The following FAAH2 variants were observed in gnomAD, a reference collection of about 807,000 sequenced individuals.
FAAH2 encodes fatty acid amide hydrolase 2.
FAAH2 carries 60 observed loss-of-function variants against 36.9 expected under a neutral mutation model. The ratio of observed to expected loss-of-function variants is 1.63; its 90% CI spans 1.32 to 2.02. The LOEUF (loss-of-function observed/expected upper bound fraction) is 2.02, where lower values mean the gene tolerates loss of function less well. Among genes scored for constraint, FAAH2 ranks in the 30% most tolerant of loss-of-function variants. The probability of loss-of-function intolerance (pLI) is 0.00; values close to 1 mark genes in which losing one functional copy is unlikely to be tolerated. For synonymous variants in FAAH2, 214 were observed against 143.8 expected (o/e 1.49, Z -3.49); for missense variants, 689 against 397.5 (o/e 1.73, Z -6.23).
the FAAH2 span, among the ~76,000 whole-genome samples, chrX:57,172,703 C>T: frequency 0.03 from 3,392 of 111,576 alleles, 110 homozygotes; most frequent in African/African-American, 0.11. Flanking sequence ...ATGGTTTTCT[C>T]CTAGAGTCAG....
the FAAH2 span, among the ~76,000 whole-genome samples, chrX:57,175,335 C>A: frequency 9.0e-6 from 1 of 111,501 alleles, no homozygotes; most frequent in Non-Finnish European, 1.9e-5. Flanking sequence ...CCTTCTTTGT[C>A]TTTTACTATT....
chrX:57,391,504 G>A (rs1441772123), intron 7 of FAAH2, among the ~76,000 whole-genome samples: 3 of 110,075 alleles, frequency 2.7e-5, no homozygotes, highest in Non-Finnish European at 5.7e-5. Context: ...GAGAGAGAGG[G>A]GTCCAGTTTC....
chrX:57,264,648 G>T, the FAAH2 span, among the ~76,000 whole-genome samples: 6 of 112,499 alleles, frequency 5.3e-5, no homozygotes, highest in Admixed American at 1.9e-4. Context: ...CCTAAAAACA[G>T]CAATACCATT....
rs2053404818 is a variant in FAAH2, at chrX:57,331,512, C to T, written c.413-86C>T. On this transcript the variant is annotated intron_variant, in intron 3 of 10. Transcript: ENST00000374900. ...TTGTGGGAGATGTTCCTTCTGGCTA[C>T]ATCTAGTTGGCCATCTTGCCCCTCA... 44 of 760,847 alleles carry T rather than the reference C, an allele frequency of 5.8e-5. No homozygotes were observed. The South Asian group carries it at 1.0e-3, about 18-fold the overall frequency. The allele number at this position is 760,847 out of a possible 1,213,427, so 62.7% of individuals were successfully genotyped here.
At chrX:57,197,062 T>A in the FAAH2 span, among the ~76,000 whole-genome samples, 1 of 111,853 alleles carries the variant, frequency 8.9e-6, no homozygotes, top group South Asian at 3.7e-4. Context: ...GATGTTTTTT[T>A]ATTTATTTTT....
chrX:57,377,488 C>A (rs908476963), intron 5 of FAAH2, among the ~76,000 whole-genome samples: 12 of 111,909 alleles, frequency 1.1e-4, no homozygotes, highest in African/African-American at 3.9e-4. Flanking sequence ...GGGATCTGTT[C>A]TGTTCCTTTG....
intron 4 of FAAH2, among the ~76,000 whole-genome samples, chrX:57,336,509 G>A (rs2053556459): frequency 9.0e-6 from 1 of 111,454 alleles, no homozygotes; most frequent in Non-Finnish European, 1.9e-5. Flanking sequence ...CGCAGACACA[G>A]TAACAATCTG....
At chrX:57,139,995 A>G in the FAAH2 span, among the ~76,000 whole-genome samples, 1 of 112,203 alleles carries the variant, frequency 8.9e-6, no homozygotes, top group African/African-American at 3.2e-5. Context: ...ACTCATGAAC[A>G]TGGATACTTT....
At chrX:57,132,250 T>C in the FAAH2 span, among the ~76,000 whole-genome samples, 1 of 112,324 alleles carries the variant, frequency 8.9e-6, no homozygotes, top group Admixed American at 9.4e-5. Context: ...TGTTGGCCCA[T>C]TGCCAAAATA....
chrX:57,294,312 T>C (rs1228816165), intron 2 of FAAH2, among the ~76,000 whole-genome samples: 1 of 112,188 alleles, frequency 8.9e-6, no homozygotes, highest in African/African-American at 3.2e-5. Context: ...AGCTACAAAA[T>C]AGTAGGAAGA....
upstream of FAAH2, among the ~76,000 whole-genome samples, chrX:57,283,609 C>A (rs1469402758): frequency 1.8e-5 from 2 of 110,996 alleles, no homozygotes; most frequent in Non-Finnish European, 3.8e-5. Context: ...GAATGCTCTG[C>A]CAAGGGTGGG....
chrX:57,296,377 C>G (rs2052158766), intron 2 of FAAH2, among the ~76,000 whole-genome samples: 1 of 111,965 alleles, frequency 8.9e-6, no homozygotes, highest in South Asian at 3.7e-4. Context: ...TCCAACAGAC[C>G]TGCAGCTGAG....
At chrX:57,369,862 T>C (rs762946977) in intron 5 of FAAH2, among the ~76,000 whole-genome samples, 31 of 112,094 alleles carry the variant, frequency 2.8e-4, no homozygotes, top group Non-Finnish European at 2.4e-4. Context: ...AAAATCACAA[T>C]GGTAAATAAT....
At chrX:57,207,205 G>T in the FAAH2 span, among the ~76,000 whole-genome samples, 1 of 110,936 alleles carries the variant, frequency 9.0e-6, no homozygotes. Flanking sequence ...ATTGGAACTT[G>T]TGCTCTCCAT....
At chrX:57,354,422 T>C (rs1569286097) in intron 5 of FAAH2, among the ~76,000 whole-genome samples, 1 of 110,442 alleles carries the variant, frequency 9.1e-6, no homozygotes, top group African/African-American at 3.3e-5. Context: ...TAATGGACAC[T>C]CAGAAGGGTG....
the FAAH2 span, among the ~76,000 whole-genome samples, chrX:57,206,880 G>A: frequency 1.8e-4 from 20 of 111,581 alleles, no homozygotes; most frequent in Admixed American, 1.7e-3. Flanking sequence ...AGAATTTCAA[G>A]GGGAAAATAT....
At chrX:57,319,742 G>A (rs754029636) in intron 3 of FAAH2, among the ~76,000 whole-genome samples, 7 of 111,965 alleles carry the variant, frequency 6.3e-5, no homozygotes, top group Non-Finnish European at 9.4e-5. Context: ...ACCAAAGCTG[G>A]AGGCATCATG....
chrX:57,141,971 A>G, the FAAH2 span, among the ~76,000 whole-genome samples: 2 of 108,872 alleles, frequency 1.8e-5, no homozygotes, highest in South Asian at 8.0e-4. Context: ...CCCCGGTCTA[A>G]TTTTTCATCT....
chrX:57,417,662 G>C (rs1317417913), intron 7 of FAAH2, among the ~76,000 whole-genome samples: 2 of 111,602 alleles, frequency 1.8e-5, no homozygotes, highest in Non-Finnish European at 3.8e-5. Context: ...TGAGGTGTCT[G>C]TCGACCCCTG....
Sources: gnomAD v4.1 joint callset for allele counts (sites outside exome capture counted in the v4.1 genomes callset) on GRCh38, gnomAD v4.1.1 for gene constraint, MANE v1.5 for transcripts, NCBI Gene and HGNC (gene_info 2026-07-23, HGNC 2026-07-21) for gene names.